Variants in PTK2 observed in about 807,000 individuals in gnomAD.
The protein encoded by PTK2 is protein tyrosine kinase 2.
Under a neutral mutation model 150.1 loss-of-function variants are expected in PTK2, and 45 were observed. The ratio of observed to expected loss-of-function variants is 0.30; its 90% confidence interval spans 0.24 to 0.38. The LOEUF (loss-of-function observed/expected upper bound fraction) is 0.38. Among genes scored for constraint, PTK2 ranks in the 10% least tolerant of loss-of-function variants. The probability of loss-of-function intolerance (pLI) is 1.00; values close to 1 mark genes in which losing one functional copy is unlikely to be tolerated. For synonymous variants in PTK2, 432 were observed against 449.2 expected (o/e 0.96, Z 0.48); for missense variants, 919 against 1,307.3 (o/e 0.70, Z 4.58).
intron 1 of PTK2, among the ~76,000 whole-genome samples, chr8:140,962,468 T>TA (rs2100183656): frequency 6.6e-6 from 1 of 152,124 alleles, no homozygotes; most frequent in Admixed American, 6.5e-5. Context: ...CAAACACACA[T>TA]ACTCTGTGAG....
At chr8:140,740,058 T>C (rs1331804564) in intron 20 of PTK2, among the ~76,000 whole-genome samples, 1 of 152,206 alleles carries the variant, frequency 6.6e-6, no homozygotes, top group Non-Finnish European at 1.5e-5. Context: ...AGGACTTCTC[T>C]AGGGAAGCCT....
At position 140,846,251 on chromosome 8, in the gene PTK2, A is replaced by C; in HGVS notation, c.593+9T>G. 2 of 1,588,234 alleles carry C rather than the reference A, an allele frequency of 1.3e-6. No homozygotes were observed. The highest frequency in any genetic ancestry group is 1.7e-6 in the Non-Finnish European group (2 of 1,158,430). On this transcript the variant is annotated intron_variant, in intron 7 of 31. Coordinates refer to ENST00000522684, the Ensembl canonical transcript of PTK2. ...ATTTGCAGGTATAGATTGTAAGTAC[A>C]ATACTTACTCTAATACTTCATAGTT... is the stretch of plus-strand genomic sequence containing the variant.
chr8:140,800,502 C>T (rs1319576020), exon 12 of PTK2: 1 of 1,613,776 alleles, frequency 6.2e-7, no homozygotes, highest in Non-Finnish European at 8.5e-7. Context: ...TTCCATTCAC[C>T]AGCCGGCAGT....
intron 27 of PTK2, among the ~76,000 whole-genome samples, chr8:140,680,000 C>T (rs558926865): frequency 4.6e-5 from 7 of 152,238 alleles, no homozygotes; most frequent in South Asian, 4.1e-4. Flanking sequence ...GGCTGGCTAC[C>T]GGTGCATAAA....
intron 1 of PTK2, among the ~76,000 whole-genome samples, chr8:140,999,269 T>C (rs1213138504): frequency 1.3e-5 from 2 of 152,220 alleles, no homozygotes; most frequent in African/African-American, 2.4e-5. Context: ...TCTTAGGTGA[T>C]TGTCGGCTCC....
intron 26 of PTK2, among the ~76,000 whole-genome samples, chr8:140,695,465 T>C (rs1009397440): frequency 2.6e-5 from 4 of 151,376 alleles, no homozygotes; most frequent in Non-Finnish European, 5.9e-5. Flanking sequence ...GGCTGGAGTG[T>C]AGTGGAACAA....
chr8:140,669,235 G>A (rs897366887), intron 29 of PTK2: 21 of 148,762 alleles, frequency 1.4e-4, no homozygotes, highest in African/African-American at 5.0e-4. Context: ...TAACATGAGG[G>A]CCTTTGGGAA....
At chr8:140,711,156 G>C (rs1026559668) in intron 23 of PTK2, among the ~76,000 whole-genome samples, 4 of 152,194 alleles carry the variant, frequency 2.6e-5, no homozygotes, top group Non-Finnish European at 5.9e-5. Flanking sequence ...GCCCAGGCTA[G>C]AGTGCAGTGG....
intron 23 of PTK2, among the ~76,000 whole-genome samples, chr8:140,715,154 C>T (rs977640888): frequency 1.4e-4 from 4 of 29,022 alleles, no homozygotes; most frequent in Admixed American, 9.4e-4. Context: ...CCATTAAAAC[C>T]GTTTTTTTTT....
chr8:140,939,845 A>G (rs929172945), intron 1 of PTK2, among the ~76,000 whole-genome samples: 23 of 152,342 alleles, frequency 1.5e-4, no homozygotes, highest in African/African-American at 5.3e-4. Context: ...TCACAAATTA[A>G]GAAAGAAAGA....
rs114997021 is a variant in PTK2 at position 140,874,912 on chromosome 8, T to C, written c.362+4559A>G. ...TCAGTTTTCATTCAAATATTGCTTA[T>C]TGGGTGCCTATTGTATACCAGGCAT... On this transcript the variant is annotated intron_variant, in intron 4 of 31. Transcript: ENST00000522684. 3.6e-3 allele frequency among the ~76,000 whole-genome samples: 541 copies of C among 152,326 alleles called. 5 individuals are homozygous for C. Among genetic ancestry groups the C allele is most frequent in the African/African-American group, 0.013 (523 of 41,560 alleles).
At chr8:140,735,268 T>C (rs2100051931) in exon 22 of PTK2, 1 of 1,613,826 alleles carries the variant, frequency 6.2e-7, no homozygotes, top group South Asian at 1.1e-5. Flanking sequence ...GAGCTTTAAG[T>C]TCAGTAAACC....
At chr8:140,902,035 ATT>A (rs71308993) in intron 2 of PTK2, among the ~76,000 whole-genome samples, 607 of 137,858 alleles carry the variant, frequency 4.4e-3, no homozygotes, top group African/African-American at 5.5e-3. Context: ...TATGTGCCAC[ATT>A]TTTTTTTTTT....
chr8:140,709,755 T>C lies in PTK2; in HGVS notation c.2143-3550A>G, dbSNP rs76476513. Reference sequence around the variant, plus strand: ...ACACTTCCTCCTCCAAGACAGAAACTTGGATTTTAATGAAGCAAAATATGG... The same window carrying C: ...ACACTTCCTCCTCCAAGACAGAAACCTGGATTTTAATGAAGCAAAATATGG... On this transcript the variant is annotated intron_variant, in intron 23 of 31. Transcript: ENST00000522684. 4.4e-3 allele frequency among the ~76,000 whole-genome samples: 665 copies of C among 152,252 alleles called. 4 individuals are homozygous for C. Among genetic ancestry groups the C allele is most frequent in the Non-Finnish European group, 7.0e-3 (474 of 68,024 alleles).
At chr8:140,731,840 T>C (rs2100049589) in intron 22 of PTK2, among the ~76,000 whole-genome samples, 1 of 151,130 alleles carries the variant, frequency 6.6e-6, no homozygotes, top group African/African-American at 2.4e-5. Context: ...GAGGTGGAGG[T>C]TGCAGGCAGC....
At chr8:140,944,818 A>T (rs1047197684) in intron 1 of PTK2, among the ~76,000 whole-genome samples, 3 of 152,240 alleles carry the variant, frequency 2.0e-5, no homozygotes, top group Middle Eastern at 6.3e-3. Context: ...GTTTGCAATC[A>T]TGAAGACCAC....
intron 4 of PTK2, among the ~76,000 whole-genome samples, chr8:140,873,368 T>G (rs1478970766): frequency 1.3e-5 from 2 of 152,248 alleles, no homozygotes; most frequent in Non-Finnish European, 2.9e-5. Flanking sequence ...AATAATGAAG[T>G]TGACAGTGCC....
intron 1 of PTK2, among the ~76,000 whole-genome samples, chr8:140,929,634 G>A (rs772814240): frequency 1.3e-5 from 2 of 152,038 alleles, no homozygotes; most frequent in Non-Finnish European, 2.9e-5. Context: ...TGTCAAAGCC[G>A]CATGCAACTC....
At chr8:140,918,449 T>C (rs1179345452) in intron 2 of PTK2, among the ~76,000 whole-genome samples, 1 of 152,240 alleles carries the variant, frequency 6.6e-6, no homozygotes, top group Non-Finnish European at 1.5e-5. Context: ...TGTGAACATT[T>C]ACATTTAATT....
Sources: gnomAD v4.1 joint callset for allele counts (sites outside exome capture counted in the v4.1 genomes callset) on GRCh38, gnomAD v4.1.1 for gene constraint, MANE v1.5 for transcripts, NCBI Gene and HGNC (gene_info 2026-07-23, HGNC 2026-07-21) for gene names.